The following CCDC141 variants were observed in gnomAD, a reference collection of about 807,000 sequenced individuals.
The protein encoded by CCDC141 is coiled-coil domain-containing protein 141.
A neutral mutation model predicts 181.0 loss-of-function variants in CCDC141; 168 were observed. That is an observed-to-expected ratio of 0.93 (90% confidence interval 0.82 to 1.05). The LOEUF is 1.05. CCDC141 is among the 50% of genes least tolerant of loss of function. CCDC141 has a pLI of 0.00. For missense variants in CCDC141, 1,902 were observed against 1,788.5 expected (o/e 1.06, Z -1.14); for synonymous variants, 666 against 642.3 (o/e 1.04, Z -0.56).
chr2:178,855,408 A>G lies in CCDC141; in HGVS notation c.2999T>C (p.Val1000Ala). The G allele has an allele frequency of 6.2e-7, 1 of 1,612,174 alleles. No individual in the cohort carries two copies. Among genetic ancestry groups the G allele is most frequent in the Non-Finnish European group, 8.5e-7 (1 of 1,179,348 alleles). Residue 1000 changes from valine (V) to alanine (A), a missense_variant, in exon 19 of 24, where the codon GTT (valine) becomes GCT (alanine). Val to Ala is a moderately conservative substitution (Grantham distance 64). Transcript: ENST00000443758. ...LQKHVDDFDK[V>A]VTDYKKNLDL... is the part of the protein sequence containing the mutation. ...CAAATTCTTCTTGTAATCTGTCACAACTTTGTCAAAGTCATCCACATGTTT... is the reference window on the plus strand; with the variant it reads ...CAAATTCTTCTTGTAATCTGTCACAGCTTTGTCAAAGTCATCCACATGTTT...
the CCDC141 span, among the ~76,000 whole-genome samples, chr2:178,821,520 G>A: frequency 3.0e-4 from 46 of 152,264 alleles, no homozygotes; most frequent in Admixed American, 1.2e-3. Flanking sequence ...AGAGCTAGAC[G>A]CACATTTAGA....
At chr2:178,977,235 T>C (rs1232433436) in intron 3 of CCDC141, among the ~76,000 whole-genome samples, 1 of 152,174 alleles carries the variant, frequency 6.6e-6, no homozygotes, top group East Asian at 1.9e-4. Context: ...ATGTTATATC[T>C]GAAAGGAATT....
At chr2:178,817,814 C>CCTCG in the CCDC141 span, 1 of 305,588 alleles carries the variant, frequency 3.3e-6, no homozygotes, top group Non-Finnish European at 6.4e-6. Flanking sequence ...TCCCTCCCTC[C>CCTCG]CTTCTTTCAA....
At chr2:178,988,671 T>C (rs1382160388) in intron 2 of CCDC141, among the ~76,000 whole-genome samples, 1 of 152,168 alleles carries the variant, frequency 6.6e-6, no homozygotes, top group Non-Finnish European at 1.5e-5. Flanking sequence ...CTCATATTTA[T>C]GTGGACTTGT....
At chr2:179,046,858 A>G (rs550170745) in intron 2 of CCDC141, among the ~76,000 whole-genome samples, 1 of 152,338 alleles carries the variant, frequency 6.6e-6, no homozygotes, top group Admixed American at 6.5e-5. Context: ...CTTAATACTA[A>G]GCACAGAATC....
intron 2 of CCDC141, among the ~76,000 whole-genome samples, chr2:178,989,951 C>G (rs1575314691): frequency 6.6e-6 from 1 of 150,942 alleles, no homozygotes; most frequent in East Asian, 1.9e-4. Flanking sequence ...ACCAGCCTGA[C>G]CAACATGGAG....
chr2:179,040,889 G>T (rs1434692995), intron 2 of CCDC141, among the ~76,000 whole-genome samples: 1 of 152,010 alleles, frequency 6.6e-6, no homozygotes, highest in Non-Finnish European at 1.5e-5. Context: ...CATTCCTTTG[G>T]GTATATACCT....
chr2:178,818,425 C>A, the CCDC141 span, among the ~76,000 whole-genome samples: 1 of 152,168 alleles, frequency 6.6e-6, no homozygotes, highest in African/African-American at 2.4e-5. Flanking sequence ...TCCTGATGCT[C>A]TCCCTCCCCC....
At chr2:178,931,036 A>G (rs1377166192) in intron 6 of CCDC141, among the ~76,000 whole-genome samples, 1 of 152,216 alleles carries the variant, frequency 6.6e-6, no homozygotes, top group African/African-American at 2.4e-5. Flanking sequence ...TTCACAGAAG[A>G]TATACAAATG....
intron 2 of CCDC141, among the ~76,000 whole-genome samples, chr2:178,979,187 C>T (rs1249684867): frequency 1.3e-5 from 2 of 152,082 alleles, no homozygotes; most frequent in Non-Finnish European, 2.9e-5. Context: ...CTATAACCAA[C>T]ATTATCTACT....
intron 2 of CCDC141, among the ~76,000 whole-genome samples, chr2:178,981,655 T>TATATATATATATATATATAC (rs1363397709): frequency 6.1e-4 from 83 of 136,390 alleles, no homozygotes; most frequent in African/African-American, 2.2e-3. Context: ...TATATATATA[T>TATATATATATATATATATAC]ATACATACAT....
rs546704740 is a variant in CCDC141, at chr2:179,031,955, A to C, written c.225+15329T>G. Among the ~76,000 whole-genome samples, 138 of 152,242 alleles carry C rather than the reference A, an allele frequency of 9.1e-4. 1 individual carries two copies. The highest frequency in any genetic ancestry group is 3.0e-3 in the African/African-American group (125 of 41,552). ...AATTTGAGAGCTTGTGGTTCTTCAGAGTTTCCTGTCTACTGACAGAGTAGT... is the reference window on the plus strand; with the variant it reads ...AATTTGAGAGCTTGTGGTTCTTCAGCGTTTCCTGTCTACTGACAGAGTAGT... On this transcript the variant is annotated intron_variant, in intron 2 of 23. Transcript: ENST00000443758.
chr2:178,976,561 G>T (rs1462214748), intron 3 of CCDC141, among the ~76,000 whole-genome samples: 5 of 152,190 alleles, frequency 3.3e-5, no homozygotes, highest in Non-Finnish European at 1.5e-5. Context: ...CCAATCAGGG[G>T]CAGTGTTCCT....
intron 3 of CCDC141, 54 bp from the exon 4 acceptor site, chr2:178,975,219 G>T: frequency 1.1e-6 from 1 of 923,732 alleles, no homozygotes; most frequent in Non-Finnish European, 1.6e-6. Flanking sequence ...AAATTAACGT[G>T]CCATTGTTAG....
rs372562955 is a variant in CCDC141, at chr2:178,973,058, A to G, written c.526+1999T>C. On this transcript the variant is annotated intron_variant, in intron 4 of 23. Transcript: ENST00000443758. Reference sequence around the variant, plus strand: ...TACTAGAATGGCTAGCTGCACTTATAGACATATTTTATTTCCTTAAATTTA... The same window carrying G: ...TACTAGAATGGCTAGCTGCACTTATGGACATATTTTATTTCCTTAAATTTA... 4.1e-4 allele frequency among the ~76,000 whole-genome samples: 63 copies of G among 152,340 alleles called. No individual in the cohort carries two copies. The South Asian group carries it at 0.012, about 30-fold the overall frequency.
At chr2:178,994,298 G>A (rs1345123463) in intron 2 of CCDC141, among the ~76,000 whole-genome samples, 1 of 152,210 alleles carries the variant, frequency 6.6e-6, no homozygotes, top group Non-Finnish European at 1.5e-5. Flanking sequence ...CTAGGAAGAG[G>A]GTCCGAAAGC....
chr2:178,973,508 G>A (rs1435861109), intron 4 of CCDC141, among the ~76,000 whole-genome samples: 1 of 152,180 alleles, frequency 6.6e-6, no homozygotes, highest in Non-Finnish European at 1.5e-5. Flanking sequence ...TCAGCTGGAT[G>A]CCAAAGAAGT....
At chr2:179,015,191 C>A (rs1281260201) in intron 2 of CCDC141, among the ~76,000 whole-genome samples, 1 of 33,498 alleles carries the variant, frequency 3.0e-5, no homozygotes, top group Admixed American at 4.1e-4. Flanking sequence ...TACATCTCAT[C>A]TCATAAATAT....
intron 22 of CCDC141, among the ~76,000 whole-genome samples, chr2:178,841,521 A>C (rs757694378): frequency 6.6e-6 from 1 of 152,260 alleles, no homozygotes; most frequent in Non-Finnish European, 1.5e-5. Context: ...TTAAATTATC[A>C]CAGGTACTTC....
Sources: gnomAD v4.1 joint callset for allele counts (sites outside exome capture counted in the v4.1 genomes callset) on GRCh38, gnomAD v4.1.1 for gene constraint, MANE v1.5 for transcripts, NCBI Gene and HGNC (gene_info 2026-07-23, HGNC 2026-07-21) for gene names.